The following CPT1A variants were observed in gnomAD, a reference collection of about 807,000 sequenced individuals.
CPT1A encodes the protein carnitine O-palmitoyltransferase 1, liver isoform.
A neutral mutation model predicts 100.8 loss-of-function variants in CPT1A; 64 were observed. The ratio of observed to expected loss-of-function variants is 0.63; its 90% CI spans 0.52 to 0.78. The LOEUF (loss-of-function observed/expected upper bound fraction) is 0.78, where lower values mean the gene tolerates loss of function less well. Ranked by LOEUF, CPT1A falls within the 30% of genes least tolerant of loss-of-function variation. The probability of loss-of-function intolerance (pLI) is 0.00; values close to 1 mark genes in which losing one functional copy is unlikely to be tolerated. For missense variants in CPT1A, 802 were observed against 1,034.1 expected (o/e 0.78, Z 3.08); for synonymous variants, 363 against 396.0 (o/e 0.92, Z 0.99).
chr11:68,839,598 G>A, intron 1 of CPT1A: 5 of 985,508 alleles, frequency 5.1e-6, no homozygotes, highest in Non-Finnish European at 6.0e-6. Context: ...TGTGGGGACA[G>A]CTCGGTGCTC....
At chr11:68,796,352 T>A (rs1855754931) in intron 7 of CPT1A, among the ~76,000 whole-genome samples, 1 of 150,798 alleles carries the variant, frequency 6.6e-6, no homozygotes. Flanking sequence ...AGGTCAGGAG[T>A]TCGAGACCAG....
intron 9 of CPT1A, 23 bp from the exon 10 acceptor site, chr11:68,785,033 A>G: frequency 6.2e-7 from 1 of 1,611,198 alleles, no homozygotes; most frequent in Non-Finnish European, 8.5e-7. Flanking sequence ...CAGGTTGGAG[A>G]CACAAAACCA....
chr11:68,814,924 C>A (rs1234331635), intron 2 of CPT1A, among the ~76,000 whole-genome samples: 1 of 151,410 alleles, frequency 6.6e-6, no homozygotes, highest in African/African-American at 2.4e-5. Context: ...TGAGCTCAAG[C>A]AATCCGCCCA....
At chr11:68,816,726 TC>T (rs879309228) in intron 1 of CPT1A, among the ~76,000 whole-genome samples, 1 of 150,042 alleles carries the variant, frequency 6.7e-6, no homozygotes, top group Non-Finnish European at 1.5e-5. Context: ...GAAAAAACTT[TC>T]AAGGACCATA....
intron 7 of CPT1A, among the ~76,000 whole-genome samples, chr11:68,796,410 G>A (rs1054710208): frequency 6.6e-6 from 1 of 152,148 alleles, no homozygotes; most frequent in African/African-American, 2.4e-5. Flanking sequence ...ACAAAAATTA[G>A]CTGGGCGTGG....
chr11:68,831,208 A>G (rs1351111755), intron 1 of CPT1A, among the ~76,000 whole-genome samples: 1 of 152,042 alleles, frequency 6.6e-6, no homozygotes, highest in Non-Finnish European at 1.5e-5. Context: ...GAATCCTAAC[A>G]CTGGCCATGT....
rs539066919 is a variant in CPT1A, at chr11:68,828,450, G to A, written c.-13-12963C>T. ...GGGAGTCCCTCACCAGGCTCACTGCGTCTTCCCCTCCCCAGCACCTTTCAT... is the reference window on the plus strand; with the variant it reads ...GGGAGTCCCTCACCAGGCTCACTGCATCTTCCCCTCCCCAGCACCTTTCAT... On this transcript the variant is annotated intron_variant, in intron 1 of 18. Coordinates refer to ENST00000265641, the MANE Select transcript of CPT1A (RefSeq NM_001876.4). Among the ~76,000 whole-genome samples, 6 of 152,186 alleles carry A rather than the reference G, an allele frequency of 3.9e-5. No individual in the cohort carries two copies. In the South Asian group the frequency reaches 6.2e-4, roughly 16 times the overall value.
chr11:68,765,157 G>C (rs192133859), intron 14 of CPT1A, among the ~76,000 whole-genome samples: 7 of 152,354 alleles, frequency 4.6e-5, no homozygotes, highest in Admixed American at 2.6e-4. Context: ...TGGGGAGAGG[G>C]AGAGAAGCAG....
In CPT1A at chr11:68,775,419, A is replaced by G. The variant is rs186790400; in HGVS notation, c.1472T>C (p.Ile491Thr). 10 of 1,613,854 alleles carry G rather than the reference A, an allele frequency of 6.2e-6. No homozygotes were observed. The East Asian group carries it at 8.9e-5, about 14-fold the overall frequency. ...CGCATAGCCCAGCTGGAGGCTGTCA[A>G]TGGACATGACGTACTGTCAAAAATA... ...VAHLWEYVMS[I>T]DSLQLGYAED... The change falls in exon 13 of 19, where the codon ATT (isoleucine) becomes ACT (threonine). Residue 491 changes from isoleucine (I) to threonine (T), a missense_variant. Transcript: ENST00000265641.
intron 5 of CPT1A, among the ~76,000 whole-genome samples, chr11:68,800,182 G>A (rs1855866103): frequency 6.6e-6 from 1 of 152,188 alleles, no homozygotes; most frequent in Non-Finnish European, 1.5e-5. Context: ...CACGGAACCA[G>A]GCTAAGGCCA....
chr11:68,796,229 G>A lies in CPT1A; in HGVS notation c.771+627C>T, dbSNP rs182694761. Among the ~76,000 whole-genome samples the A allele has an allele frequency of 4.6e-5, 7 of 152,258 alleles. 1 individual carries two copies. Among genetic ancestry groups the A allele is most frequent in the South Asian group, 2.1e-4 (1 of 4,822 alleles). ...GGGGTTCTGCAGGGATCTTAAGGCC[G>A]CTGTGGCACCAAGTTCCAGTGCTAA... On this transcript the variant is annotated intron_variant, in intron 7 of 18. Coordinates refer to ENST00000265641, the MANE Select transcript of CPT1A (RefSeq NM_001876.4).
chr11:68,797,927 G>A (rs1290777873), intron 6 of CPT1A, among the ~76,000 whole-genome samples: 4 of 152,140 alleles, frequency 2.6e-5, no homozygotes, highest in South Asian at 2.1e-4. Context: ...GCAGTGAGCC[G>A]AGATCGCTCC....
chr11:68,759,461 G>C, intron 18 of CPT1A, 108 bp downstream of exon 18: 1 of 782,134 alleles, frequency 1.3e-6, no homozygotes, highest in South Asian at 1.5e-5. Context: ...TCAAGTAAAA[G>C]CAGGCAGTTG....
chr11:68,813,105 C>T (rs989532709), intron 2 of CPT1A, among the ~76,000 whole-genome samples: 3 of 150,462 alleles, frequency 2.0e-5, no homozygotes, highest in African/African-American at 7.3e-5. Flanking sequence ...ATTGTTGAAA[C>T]AAGGAAGGGA....
At chr11:68,821,516 C>T (rs1350729219) in intron 1 of CPT1A, among the ~76,000 whole-genome samples, 3 of 152,092 alleles carry the variant, frequency 2.0e-5, no homozygotes, top group African/African-American at 7.2e-5. Flanking sequence ...TCTCAAACTC[C>T]TGACTTTAGG....
chr11:68,783,433 C>T (rs984715022), intron 10 of CPT1A, among the ~76,000 whole-genome samples: 7 of 152,100 alleles, frequency 4.6e-5, no homozygotes, highest in Non-Finnish European at 1.0e-4. Context: ...CCGGGGCATG[C>T]GGCTCCACCC....
chr11:68,770,561 A>C (rs1566346937), intron 14 of CPT1A, among the ~76,000 whole-genome samples: 1 of 152,208 alleles, frequency 6.6e-6, no homozygotes, highest in Non-Finnish European at 1.5e-5. Flanking sequence ...CCTATTACTA[A>C]GCCCCTTGAC....
intron 14 of CPT1A, among the ~76,000 whole-genome samples, chr11:68,770,333 G>A (rs776071042): frequency 2.6e-5 from 4 of 152,136 alleles, no homozygotes; most frequent in Non-Finnish European, 5.9e-5. Flanking sequence ...GCAACTCTGC[G>A]CTGGGCCGGC....
rs1856858214 is a variant in CPT1A at position 68,830,842 on chromosome 11, A to C, written c.-14+10933T>G. ...GAAATTCTACAAGAGACATTTAGCA[A>C]TGTCACCTGCACCAGCTGGCAAATG... is the stretch of plus-strand genomic sequence containing the variant. On this transcript the variant is annotated intron_variant, in intron 1 of 18. Coordinates refer to ENST00000265641, the MANE Select transcript of CPT1A (RefSeq NM_001876.4). 2.0e-5 allele frequency among the ~76,000 whole-genome samples: 3 copies of C among 152,312 alleles called. No individual in the cohort carries two copies. The South Asian group carries it at 6.2e-4, about 32-fold the overall frequency.
Sources: gnomAD v4.1 joint callset for allele counts (sites outside exome capture counted in the v4.1 genomes callset) on GRCh38, gnomAD v4.1.1 for gene constraint, MANE v1.5 for transcripts, NCBI Gene and HGNC (gene_info 2026-07-23, HGNC 2026-07-21) for gene names.